CDC73: variants seen among roughly 807,000 people sequenced by gnomAD.
CDC73 encodes the protein cell division cycle 73.
Under a neutral mutation model 83.7 loss-of-function variants are expected in CDC73, and 21 were observed. The ratio of observed to expected loss-of-function variants is 0.25; its 90% CI spans 0.18 to 0.36. The LOEUF (loss-of-function observed/expected upper bound fraction) is 0.36. Ranked by LOEUF, CDC73 falls within the 10% of genes least tolerant of loss-of-function variation. CDC73 has a pLI of 1.00. For synonymous variants in CDC73, 224 were observed against 212.9 expected (o/e 1.05, Z -0.45); for missense variants, 342 against 653.3 (o/e 0.52, Z 5.19).
chr1:193,228,995 C>G (rs1253083165), intron 13 of CDC73, among the ~76,000 whole-genome samples: 2 of 151,840 alleles, frequency 1.3e-5, no homozygotes, highest in African/African-American at 4.8e-5. Context: ...AATGGCCAAT[C>G]AGCGCATGAA....
At chr1:193,155,752 G>C (rs575761214) in intron 10 of CDC73, among the ~76,000 whole-genome samples, 1 of 152,230 alleles carries the variant, frequency 6.6e-6, no homozygotes, top group South Asian at 2.1e-4. Flanking sequence ...ACTCCAGTCT[G>C]GGTGACAGAG....
At chr1:193,216,812 A>G (rs1558314283) in intron 13 of CDC73, among the ~76,000 whole-genome samples, 1 of 152,344 alleles carries the variant, frequency 6.6e-6, no homozygotes, top group South Asian at 2.1e-4. Context: ...AGTAAACATG[A>G]TTCGTCACAT....
In CDC73 at chr1:193,163,075, G is replaced by A. The variant is rs191448056; in HGVS notation, c.972+10631G>A. ...TATCCTTAGGAATTACTGAGTTTTA[G>A]AGTGACAGAATAATTACCAATTATT... On this transcript the variant is annotated intron_variant, in intron 10 of 16. Coordinates refer to ENST00000367435, the MANE Select transcript of CDC73 (RefSeq NM_024529.5). Among the ~76,000 whole-genome samples the A allele has an allele frequency of 1.9e-4, 29 of 152,106 alleles. No individual in the cohort carries two copies. In the East Asian group the frequency reaches 4.6e-3, roughly 24 times the overall value.
In CDC73 at chr1:193,130,157, T is replaced by A. The variant is rs756047037; in HGVS notation, c.238-17T>A. On this transcript the variant is annotated splice_polypyrimidine_tract_variant and intron_variant, in intron 2 of 16. Coordinates refer to ENST00000367435, the MANE Select transcript of CDC73 (RefSeq NM_024529.5). ...ATTGTTATTCATTTCATATCTCATT[T>A]AAAATTTTGGTTTTAGACTGAAAAT... is the stretch of plus-strand genomic sequence containing the variant. The A allele has an allele frequency of 7.8e-7, 1 of 1,285,114 alleles. No homozygotes were observed. Among genetic ancestry groups the A allele is most frequent in the South Asian group, 1.2e-5 (1 of 84,182 alleles). 79.6% of individuals were successfully genotyped at this position (1,285,114 alleles called of 1,614,324 possible).
intron 10 of CDC73, among the ~76,000 whole-genome samples, chr1:193,194,551 A>G (rs1027371645): frequency 1.2e-4 from 19 of 152,170 alleles, no homozygotes; most frequent in African/African-American, 4.6e-4. Flanking sequence ...TTTTAAATGA[A>G]CATAGTGGTT....
chr1:193,129,254 C>T lies in CDC73; in HGVS notation c.238-920C>T, dbSNP rs533131504. On this transcript the variant is annotated intron_variant, in intron 2 of 16. Coordinates refer to ENST00000367435, the MANE Select transcript of CDC73 (RefSeq NM_024529.5). ...CTCATGATCCACCCGTCTCGACCTC[C>T]CAAAGTGCTGGGATTACAGGTGTGA... Among the ~76,000 whole-genome samples the T allele has an allele frequency of 6.1e-4, 92 of 151,988 alleles. No homozygotes were observed. In the Middle Eastern group the frequency reaches 0.01, roughly 17 times the overall value.
At chr1:193,134,183 A>G (rs1388274694) in intron 3 of CDC73, among the ~76,000 whole-genome samples, 1 of 152,046 alleles carries the variant, frequency 6.6e-6, no homozygotes, top group Non-Finnish European at 1.5e-5. Flanking sequence ...GCTAACTTTA[A>G]AAAAACTTGC....
Position 193,135,419 on chromosome 1 carries a change from T to C in CDC73, c.336T>C (p.Ala112=), listed in dbSNP as rs769833729. ...CATCGGCAAGTATAGACAGAAGCGCTCCCTTAGAAATAGGTCTTCAGCGAT... is the reference window on the plus strand; with the variant it reads ...CATCGGCAAGTATAGACAGAAGCGCCCCCTTAGAAATAGGTCTTCAGCGAT... ...ASTSASIDRS[A]PLEIGLQRST... Residue 112 remains alanine, a synonymous_variant, in exon 4 of 17, where the codon GCT becomes GCC. Transcript: ENST00000367435. The C allele has an allele frequency of 1.2e-6, 2 of 1,613,734 alleles. No individual in the cohort carries two copies. Among genetic ancestry groups the C allele is most frequent in the African/African-American group, 1.3e-5 (1 of 74,900 alleles).
chr1:193,172,575 G>T (rs992017936), intron 10 of CDC73, among the ~76,000 whole-genome samples: 5 of 152,072 alleles, frequency 3.3e-5, no homozygotes, highest in African/African-American at 1.2e-4. Context: ...TTCTCTTTCA[G>T]TTCTTGTCAT....
At chr1:193,186,577 C>T (rs570673144) in intron 10 of CDC73, 1 of 152,358 alleles carries the variant, frequency 6.6e-6, no homozygotes, top group Non-Finnish European at 1.5e-5. Flanking sequence ...ATCCACGGTT[C>T]CTCAGCTGCT....
intron 10 of CDC73, among the ~76,000 whole-genome samples, chr1:193,155,478 T>TTC (rs1480285350): frequency 6.6e-6 from 1 of 152,144 alleles, no homozygotes; most frequent in Admixed American, 6.6e-5. Flanking sequence ...TCTATAATGT[T>TTC]TAAGAAACAC....
chr1:193,138,529 T>G (rs1675843396), intron 6 of CDC73, among the ~76,000 whole-genome samples: 1 of 152,228 alleles, frequency 6.6e-6, no homozygotes, highest in Non-Finnish European at 1.5e-5. Context: ...TAATATGGTC[T>G]CTTGAAACTA....
chr1:193,211,947 AT>A, intron 11 of CDC73, 117 bp from the exon 12 acceptor site: 1 of 753,864 alleles, frequency 1.3e-6, no homozygotes, highest in East Asian at 2.7e-5. Context: ...AAGTCTTCTG[AT>A]TTACAGTTAG....
intron 10 of CDC73, among the ~76,000 whole-genome samples, chr1:193,195,301 C>A (rs1159391743): frequency 6.6e-6 from 1 of 151,956 alleles, no homozygotes; most frequent in African/African-American, 2.4e-5. Flanking sequence ...GTAATGTTTT[C>A]AAGGTTCATT....
intron 13 of CDC73, among the ~76,000 whole-genome samples, chr1:193,220,991 A>G (rs998338725): frequency 1.3e-5 from 2 of 152,214 alleles, no homozygotes; most frequent in Non-Finnish European, 2.9e-5. Context: ...AATCTGAAAT[A>G]CATGTATTTT....
At chr1:193,126,201 G>T (rs1289904027) in intron 2 of CDC73, among the ~76,000 whole-genome samples, 1 of 152,152 alleles carries the variant, frequency 6.6e-6, no homozygotes, top group Non-Finnish European at 1.5e-5. Context: ...TTAATCTCAA[G>T]AAAACTTTTT....
intron 10 of CDC73, among the ~76,000 whole-genome samples, chr1:193,194,733 T>A (rs1217898032): frequency 6.6e-6 from 1 of 152,138 alleles, no homozygotes; most frequent in East Asian, 1.9e-4. Flanking sequence ...CATTTTTTAA[T>A]CAGTAGGTAC....
At chr1:193,200,188 C>T (rs1677069612) in intron 10 of CDC73, among the ~76,000 whole-genome samples, 2 of 152,220 alleles carry the variant, frequency 1.3e-5, no homozygotes, top group South Asian at 2.1e-4. Context: ...TGCACCACTG[C>T]ACTGCAACCT....
At chr1:193,229,644 A>G (rs868218196) in intron 13 of CDC73, among the ~76,000 whole-genome samples, 8 of 152,366 alleles carry the variant, frequency 5.3e-5, no homozygotes, top group Admixed American at 1.3e-4. Flanking sequence ...CTCTTACTGT[A>G]TCCTGAACGT....
Sources: gnomAD v4.1 joint callset for allele counts (sites outside exome capture counted in the v4.1 genomes callset) on GRCh38, gnomAD v4.1.1 for gene constraint, MANE v1.5 for transcripts, NCBI Gene and HGNC (gene_info 2026-07-23, HGNC 2026-07-21) for gene names.